KCNJ15: variants seen among roughly 807,000 people sequenced by gnomAD.
KCNJ15 encodes the protein potassium inwardly rectifying channel subfamily J member 15, also known as ATP-sensitive inward rectifier potassium channel 15.
A neutral mutation model predicts 23.0 loss-of-function variants in KCNJ15; 14 were observed. That is an observed-to-expected ratio of 0.61 (90% CI 0.40 to 0.95). The LOEUF is 0.95. Among genes scored for constraint, KCNJ15 ranks in the 40% least tolerant of loss-of-function variants. KCNJ15 has a pLI of 0.00. For synonymous variants in KCNJ15, 185 were observed against 183.2 expected, an observed-to-expected ratio of 1.01 and a Z score of -0.08; for missense variants, 388 against 461.8, an observed-to-expected ratio of 0.84 and a Z score of 1.46.
intron 1 of KCNJ15, among the ~76,000 whole-genome samples, chr21:38,292,004 G>T (rs1984654462): frequency 6.6e-6 from 1 of 152,194 alleles, no homozygotes; most frequent in Non-Finnish European, 1.5e-5. Context: ...AATTACAGCT[G>T]CTTAATCTAT....
rs1985840788 is a variant in KCNJ15, at chr21:38,302,068, GCACACACGCA to G, written c.*1685_*1694del. ...CACACATGCACACACGCGCACACAT[GCACACACGCA>G]CACACTTGCACAGGCCCTGGCTCTT... On this transcript the variant is annotated 3_prime_UTR_variant, in exon 3 of 3. Coordinates refer to ENST00000398938, the MANE Select transcript of KCNJ15 (RefSeq NM_170736.3). The G allele has an allele frequency of 1.3e-5, 2 of 151,646 alleles. No homozygotes were observed. Among genetic ancestry groups the G allele is most frequent in the Admixed American group, 1.3e-4 (2 of 15,256 alleles). The allele number at this position is 151,646 out of a possible 1,614,324, so 9.4% of individuals were successfully genotyped here. A position where few individuals can be genotyped will look rare whatever the true frequency, so the allele number is the denominator to read the frequency against.
chr21:38,274,624 G>C (rs1982462651), intron 1 of KCNJ15, among the ~76,000 whole-genome samples: 1 of 152,038 alleles, frequency 6.6e-6, no homozygotes, highest in Non-Finnish European at 1.5e-5. Context: ...TCCTATCTTA[G>C]GGAAACAAAT....
chr21:38,252,776 A>G (rs78454805), upstream of KCNJ15, among the ~76,000 whole-genome samples: 10,230 of 152,220 alleles, frequency 0.067, 830 homozygotes, highest in African/African-American at 0.19. Flanking sequence ...AAAGCATTCT[A>G]TCACTCACAG....
intron 1 of KCNJ15, among the ~76,000 whole-genome samples, chr21:38,243,024 A>G (rs1979117819): frequency 6.6e-6 from 1 of 152,182 alleles, no homozygotes; most frequent in African/African-American, 2.4e-5. Context: ...CTGCCTCTCT[A>G]CCTGGCTGTG....
intron 1 of KCNJ15, among the ~76,000 whole-genome samples, chr21:38,286,476 T>C (rs1601226656): frequency 6.6e-6 from 1 of 152,226 alleles, no homozygotes; most frequent in Non-Finnish European, 1.5e-5. Context: ...AGCACCAATG[T>C]AATGTTCATT....
intron 1 of KCNJ15, among the ~76,000 whole-genome samples, chr21:38,247,384 G>A (rs1979491702): frequency 6.6e-6 from 1 of 151,910 alleles, no homozygotes; most frequent in African/African-American, 2.4e-5. Context: ...ATGGATGAAT[G>A]GATGTATGGA....
chr21:38,254,228 C>T (rs762289469), upstream of KCNJ15, among the ~76,000 whole-genome samples: 3 of 152,206 alleles, frequency 2.0e-5, no homozygotes, highest in Non-Finnish European at 4.4e-5. Context: ...ACAGAAGTCA[C>T]ATAGACGCGC....
chr21:38,287,569 G>A (rs534933031), intron 1 of KCNJ15, among the ~76,000 whole-genome samples: 1 of 152,224 alleles, frequency 6.6e-6, no homozygotes, highest in East Asian at 1.9e-4. Context: ...AGCAAATATA[G>A]CATGTGACAG....
intron 1 of KCNJ15, among the ~76,000 whole-genome samples, chr21:38,295,960 T>C (rs916957719): frequency 1.6e-4 from 24 of 152,086 alleles, no homozygotes; most frequent in Non-Finnish European, 2.9e-5. Flanking sequence ...GATGCACAGG[T>C]TAATTGGGAA....
rs1299434280 is a variant in KCNJ15 at position 38,245,608 on chromosome 21, G to GAGGGAAGGAAGGAGAGAGGAAGGA, written c.-398-11429_-398-11406dup. 2.7e-5 allele frequency among the ~76,000 whole-genome samples: 4 copies of GAGGGAAGGAAGGAGAGAGGAAGGA among 150,642 alleles called. No individual in the cohort carries two copies. In the East Asian group the frequency reaches 7.8e-4, roughly 29 times the overall value. On this transcript the variant is annotated intron_variant, in intron 1 of 4. Transcript: ENST00000547341. Reference sequence around the variant, plus strand: ...AAGAGAGAGAGAGAAAGAAAGAAAGGAGGGAAGGAAGGAGAGAGGAAGGAA... The same window carrying GAGGGAAGGAAGGAGAGAGGAAGGA: ...AAGAGAGAGAGAGAAAGAAAGAAAGGAGGGAAGGAAGGAGAGAGGAAGGAAGGGAAGGAAGGAGAGAGGAAGGAA...
In KCNJ15 at chr21:38,275,718, G is replaced by A. The variant is rs149123805; in HGVS notation, c.-117+18533G>A. Among the ~76,000 whole-genome samples the A allele has an allele frequency of 4.3e-4, 66 of 152,222 alleles. No individual in the cohort carries two copies. The East Asian group carries it at 0.012, about 28-fold the overall frequency. Reference sequence around the variant, plus strand: ...AAATCCCCCTAGGTGAATCTCATAGGCAGCCATGGTTGAAAGTCGCTGATA... The same window carrying A: ...AAATCCCCCTAGGTGAATCTCATAGACAGCCATGGTTGAAAGTCGCTGATA... On this transcript the variant is annotated intron_variant, in intron 1 of 2. Transcript: ENST00000398938.
chr21:38,288,377 C>T (rs1479155466), intron 1 of KCNJ15, among the ~76,000 whole-genome samples: 2 of 152,166 alleles, frequency 1.3e-5, no homozygotes, highest in African/African-American at 4.8e-5. Flanking sequence ...GTCGTAATTT[C>T]CATTGCCTGG....
intron 1 of KCNJ15, among the ~76,000 whole-genome samples, chr21:38,239,300 G>C (rs715080): frequency 6.6e-6 from 1 of 151,896 alleles, no homozygotes; most frequent in Admixed American, 6.6e-5. Flanking sequence ...GTTTGACCAC[G>C]ACAAGGTCAC....
chr21:38,298,933 T>G (rs1424385918), intron 2 of KCNJ15, among the ~76,000 whole-genome samples: 1 of 150,786 alleles, frequency 6.6e-6, no homozygotes, highest in Non-Finnish European at 1.5e-5. Context: ...ACAAAACCCC[T>G]GAGGAATAGG....
intron 1 of KCNJ15, among the ~76,000 whole-genome samples, chr21:38,266,349 T>G (rs765113786): frequency 2.6e-5 from 4 of 152,212 alleles, no homozygotes; most frequent in Non-Finnish European, 5.9e-5. Context: ...CCATGTATTC[T>G]CATTGTTCAA....
At chr21:38,263,000 T>C (rs1050090671) in intron 1 of KCNJ15, among the ~76,000 whole-genome samples, 5 of 152,132 alleles carry the variant, frequency 3.3e-5, no homozygotes, top group African/African-American at 9.7e-5. Flanking sequence ...TTAACGTCAC[T>C]CCTTAAAACG....
intron 1 of KCNJ15, chr21:38,238,515 G>T: frequency 3.1e-6 from 2 of 641,250 alleles, no homozygotes; most frequent in Non-Finnish European, 5.9e-6. Context: ...AGAGGGCACG[G>T]ACCATCTCCG....
chr21:38,300,116 C>T lies in KCNJ15; in HGVS notation c.855C>T (p.Ala285=), dbSNP rs142343402. Residue 285 remains alanine (A), a synonymous_variant, in exon 3 of 3, where the codon GCC becomes GCT. Transcript: ENST00000398938. ...KEFELVVLLN[A]TVESTSAVCQ... ...TTGAGCTTGTGGTCCTCCTCAATGC[C>T]ACTGTGGAATCCACCAGCGCTGTCT... The T allele has an allele frequency of 2.6e-3, 4,155 of 1,614,178 alleles. 7 individuals are homozygous for T. The highest frequency in any genetic ancestry group is 3.2e-3 in the Non-Finnish European group (3,752 of 1,180,018).
intron 1 of KCNJ15, among the ~76,000 whole-genome samples, chr21:38,266,771 C>T (rs1981508170): frequency 6.6e-6 from 1 of 152,168 alleles, no homozygotes; most frequent in Non-Finnish European, 1.5e-5. Flanking sequence ...TTCTTGCTAA[C>T]CTCTTTAGAG....
Sources: gnomAD v4.1 joint callset for allele counts (sites outside exome capture counted in the v4.1 genomes callset) on GRCh38, gnomAD v4.1.1 for gene constraint, MANE v1.5 for transcripts, NCBI Gene and HGNC (gene_info 2026-07-23, HGNC 2026-07-21) for gene names.